EZH2: variants seen among roughly 807,000 people sequenced by gnomAD.
The protein encoded by EZH2 is histone-lysine N-methyltransferase EZH2.
EZH2 carries 18 observed loss-of-function variants against 98.4 expected under a neutral mutation model. That is an observed-to-expected ratio of 0.18 (90% CI 0.13 to 0.27). EZH2 has a LOEUF of 0.27. Ranked by LOEUF, EZH2 falls within the 10% of genes least tolerant of loss-of-function variation. The pLI, the probability that EZH2 is intolerant of heterozygous loss-of-function variation, is 1.00. For synonymous variants in EZH2, 338 were observed against 312.3 expected, an observed-to-expected ratio of 1.08 and a Z score of -0.87; for missense variants, 470 against 935.1, an observed-to-expected ratio of 0.50 and a Z score of 6.49.
At position 148,856,096 on chromosome 7, in the gene EZH2, T is replaced by C. The variant is rs141028015; in HGVS notation, c.-7-8791A>G. On this transcript the variant is annotated intron_variant, in intron 1 of 19. Coordinates refer to ENST00000320356, the MANE Select transcript of EZH2 (RefSeq NM_004456.5). ...GATAGAATGCAAACTATACAGCAAG[T>C]CTAACAGTATTATAATTTTATGAGA... is the stretch of plus-strand genomic sequence containing the variant. 1.8e-3 allele frequency among the ~76,000 whole-genome samples: 276 copies of C among 152,092 alleles called. 1 individual carries two copies. The highest frequency in any genetic ancestry group is 6.3e-3 in the African/African-American group (260 of 41,462).
chr7:148,840,992 AT>A (rs767664659), intron 3 of EZH2, among the ~76,000 whole-genome samples: 37 of 152,276 alleles, frequency 2.4e-4, no homozygotes, highest in Non-Finnish European at 4.9e-4. Context: ...CACAAACTAT[AT>A]ATACAATATT....
At chr7:148,832,540 ACT>A (rs1263308502) in intron 4 of EZH2, 92 bp downstream of exon 4, 1 of 706,542 alleles carries the variant, frequency 1.4e-6, no homozygotes, top group Non-Finnish European at 2.3e-6. Flanking sequence ...TAGAATTTAT[ACT>A]GTCTTGATTC....
chr7:148,853,611 C>T (rs2129486865), intron 1 of EZH2, among the ~76,000 whole-genome samples: 1 of 152,236 alleles, frequency 6.6e-6, no homozygotes, highest in Admixed American at 6.5e-5. Context: ...GACTAGGGAC[C>T]CCTGCTTTAA....
At position 148,807,652 on chromosome 7, in the gene EZH2, G is replaced by A. The variant is rs779629814; in HGVS notation, c.2250C>T (p.Ile750=). 3.1e-6 allele frequency: 5 copies of A among 1,596,920 alleles called. No individual in the cohort carries two copies. In the East Asian group the frequency reaches 6.7e-5, roughly 22 times the overall value. The change falls in exon 20 of 20, where the codon ATC becomes ATT. Residue 750 remains isoleucine, a synonymous_variant. Transcript: ENST00000320356. ...GGGGAGGAGGTAGCAGATGTCAAGG[G>A]ATTTCCATTTCTCTTTCGATGCCGA... ...KYVGIEREME[I]P is the part of the protein sequence containing the mutation.
intron 3 of EZH2, among the ~76,000 whole-genome samples, chr7:148,833,682 G>A (rs1338451197): frequency 6.6e-6 from 1 of 152,124 alleles, no homozygotes; most frequent in East Asian, 1.9e-4. Context: ...TGATTACTAA[G>A]TACTTTCTAT....
chr7:148,865,047 A>T (rs1453555569), intron 1 of EZH2, among the ~76,000 whole-genome samples: 1 of 151,868 alleles, frequency 6.6e-6, no homozygotes, highest in Non-Finnish European at 1.5e-5. Flanking sequence ...GAATCGCTTG[A>T]ACCTAGGAGG....
intron 4 of EZH2, among the ~76,000 whole-genome samples, chr7:148,831,247 G>A (rs965419780): frequency 1.3e-5 from 2 of 152,182 alleles, no homozygotes; most frequent in Admixed American, 6.5e-5. Flanking sequence ...GATAAAAGGA[G>A]CATATAATTA....
chr7:148,810,434 A>G lies in EZH2; in HGVS notation c.1948-20T>C, dbSNP rs752859785. ...AATAATCTAAAAAGAAAGACACAGG[A>G]GAAAATTCTTTTGGATAAAGGTGAT... On this transcript the variant is annotated intron_variant, in intron 16 of 19. Transcript: ENST00000320356. The G allele has an allele frequency of 2.5e-6, 4 of 1,571,532 alleles. No homozygotes were observed. In the Admixed American group the frequency reaches 6.7e-5, roughly 26 times the overall value.
chr7:148,811,676 A>G lies in EZH2; in HGVS notation c.1896T>C (p.Phe632=), dbSNP rs1210129833. 11 of 1,613,496 alleles carry G rather than the reference A, an allele frequency of 6.8e-6. No homozygotes were observed. Among genetic ancestry groups the G allele is most frequent in the Non-Finnish European group, 8.5e-6 (10 of 1,180,010 alleles). The change falls in exon 16 of 20, where the codon TTT becomes TTC. Residue 632 remains phenylalanine, a synonymous_variant. Coordinates refer to ENST00000320356, the MANE Select transcript of EZH2 (RefSeq NM_004456.5). ...APSDVAGWGI[F]IKDPVQKNEF... ...CATTTTTCTGCACAGGATCTTTGAT[A>G]AAAATCCCCCAGCCTGCCACGTCAG...
intron 9 of EZH2, 121 bp from the exon 10 acceptor site, chr7:148,818,238 CAAAT>C (rs921562805): frequency 1.8e-5 from 19 of 1,048,552 alleles, no homozygotes; most frequent in African/African-American, 3.2e-5. Context: ...CCATTTATCA[CAAAT>C]AATCATTTGC....
intron 1 of EZH2, among the ~76,000 whole-genome samples, chr7:148,860,439 C>A (rs141797635): frequency 4.1e-4 from 63 of 152,124 alleles, no homozygotes; most frequent in African/African-American, 1.5e-3. Context: ...ACAACTGAGC[C>A]CTAAATCAGC....
intron 1 of EZH2, among the ~76,000 whole-genome samples, chr7:148,862,279 A>G (rs755716744): frequency 2.0e-5 from 3 of 152,276 alleles, no homozygotes; most frequent in Non-Finnish European, 4.4e-5. Context: ...ATAAATCATC[A>G]TTCCTCATCT....
intron 1 of EZH2, among the ~76,000 whole-genome samples, chr7:148,873,557 ATTTTTTTTTTTT>A (rs58553084): frequency 3.8e-5 from 3 of 79,952 alleles, no homozygotes; most frequent in Non-Finnish European, 7.0e-5. Flanking sequence ...CATGCTCTTC[ATTTTTTTTTTTT>A]TTTTTTTTTT....
chr7:148,810,492 G>T (rs1180981825), intron 16 of EZH2, 78 bp from the exon 17 acceptor site: 1 of 924,294 alleles, frequency 1.1e-6, no homozygotes, highest in Non-Finnish European at 1.7e-6. Context: ...AGCGCACAGA[G>T]TGAATACTGG....
At chr7:148,843,801 T>TA in intron 3 of EZH2, among the ~76,000 whole-genome samples, 1 of 151,960 alleles carries the variant, frequency 6.6e-6, no homozygotes, top group Non-Finnish European at 1.5e-5. Context: ...TTCACCTTGT[T>TA]AGCCAGGATG....
chr7:148,880,742 T>C (rs1165030763), intron 1 of EZH2, among the ~76,000 whole-genome samples: 1 of 152,222 alleles, frequency 6.6e-6, no homozygotes, highest in African/African-American at 2.4e-5. Context: ...GTCAAATTAT[T>C]TCCCTACATT....
chr7:148,832,880 T>C (rs1809779419), intron 3 of EZH2, 130 bp from the exon 4 acceptor site: 1 of 504,336 alleles, frequency 2.0e-6, no homozygotes, highest in African/African-American at 1.9e-5. Flanking sequence ...CCTAGGACAG[T>C]AAAGTGGTCA....
chr7:148,814,853 A>T, intron 14 of EZH2, 61 bp downstream of exon 14: 3 of 1,551,426 alleles, frequency 1.9e-6, no homozygotes, highest in Non-Finnish European at 2.6e-6. Context: ...TGATTTTTTA[A>T]ATTGCTAACC....
At chr7:148,870,228 G>A (rs1819153394) in intron 1 of EZH2, among the ~76,000 whole-genome samples, 2 of 152,192 alleles carry the variant, frequency 1.3e-5, no homozygotes, top group African/African-American at 4.8e-5. Flanking sequence ...CTCTAGAAAA[G>A]TATTTCCCAA....
Sources: gnomAD v4.1 joint callset for allele counts (sites outside exome capture counted in the v4.1 genomes callset) on GRCh38, gnomAD v4.1.1 for gene constraint, MANE v1.5 for transcripts, NCBI Gene and HGNC (gene_info 2026-07-23, HGNC 2026-07-21) for gene names.